PLA2G4A: variants seen among roughly 807,000 people sequenced by gnomAD.
PLA2G4A encodes the protein cytosolic phospholipase A2.
A neutral mutation model predicts 81.9 loss-of-function variants in PLA2G4A; 40 were observed. The observed-to-expected ratio is 0.49, with a 90% CI of 0.38 to 0.64. PLA2G4A has a LOEUF of 0.64. PLA2G4A is among the 30% of genes least tolerant of loss of function. The probability of loss-of-function intolerance (pLI) is 0.00; values close to 1 mark genes in which losing one functional copy is unlikely to be tolerated. For missense variants in PLA2G4A, 715 were observed against 905.1 expected, an observed-to-expected ratio of 0.79 and a Z score of 2.69; for synonymous variants, 302 against 296.9, an observed-to-expected ratio of 1.02 and a Z score of -0.18.
chr1:186,918,447 T>C (rs1411772117), intron 7 of PLA2G4A, among the ~76,000 whole-genome samples: 1 of 151,864 alleles, frequency 6.6e-6, no homozygotes, highest in Non-Finnish European at 1.5e-5. Context: ...CAGTCTTACC[T>C]TCACTGAGTT....
intron 15 of PLA2G4A, among the ~76,000 whole-genome samples, chr1:186,975,066 C>G (rs765769380): frequency 6.6e-6 from 1 of 152,172 alleles, no homozygotes; most frequent in South Asian, 2.1e-4. Flanking sequence ...AAAGCTCTTT[C>G]TTTTCTTTGC....
At chr1:186,829,770 A>T (rs1651483975) in intron 1 of PLA2G4A, among the ~76,000 whole-genome samples, 1 of 152,230 alleles carries the variant, frequency 6.6e-6, no homozygotes, top group South Asian at 2.1e-4. Context: ...GTATCAGTGG[A>T]TGAATGTATC....
Position 186,906,955 on chromosome 1 carries a change from C to CT in PLA2G4A, c.379-3dup. 10 of 1,441,528 alleles carry CT rather than the reference C, an allele frequency of 6.9e-6. No homozygotes were observed. The highest frequency in any genetic ancestry group is 8.8e-6 in the Non-Finnish European group (9 of 1,024,210). The allele number at this position is 1,441,528 out of a possible 1,614,324, so 89.3% of individuals were successfully genotyped here. On this transcript the variant is annotated splice_polypyrimidine_tract_variant and intron_variant, in intron 5 of 17. Transcript: ENST00000367466. ...TTATGACCTAATCTGATTAACATGT[C>CT]TTTTTTTAGGTCACTGAAATGGTTC...
intron 14 of PLA2G4A, among the ~76,000 whole-genome samples, chr1:186,963,503 C>A (rs1015224536): frequency 6.6e-6 from 1 of 152,182 alleles, no homozygotes; most frequent in Admixed American, 6.5e-5. Context: ...TAGCCTTGGA[C>A]ACAGCCAGCC....
At chr1:186,847,069 A>G (rs1652202012) in intron 1 of PLA2G4A, among the ~76,000 whole-genome samples, 1 of 152,128 alleles carries the variant, frequency 6.6e-6, no homozygotes, top group Non-Finnish European at 1.5e-5. Context: ...TTGAGAGAAG[A>G]AAAGGAAATG....
chr1:186,988,350 T>G, intron 17 of PLA2G4A, 27 bp from the exon 18 acceptor site: 27 of 1,589,936 alleles, frequency 1.7e-5, no homozygotes, highest in Non-Finnish European at 2.2e-5. Flanking sequence ...GCAGCGCTAA[T>G]TATACAACTT....
intron 5 of PLA2G4A, among the ~76,000 whole-genome samples, chr1:186,896,851 G>T (rs1426935120): frequency 6.6e-6 from 1 of 152,124 alleles, no homozygotes; most frequent in Admixed American, 6.5e-5. Context: ...AGGGGTAGTT[G>T]GGAGAGAAGT....
intron 5 of PLA2G4A, among the ~76,000 whole-genome samples, chr1:186,903,582 G>A (rs1033410): frequency 0.21 from 31,847 of 152,004 alleles, 3,908 homozygotes; most frequent in Admixed American, 0.34. Flanking sequence ...TAAGATCAGC[G>A]GTGGCATTAC....
chr1:186,924,511 C>T (rs1466422698), intron 7 of PLA2G4A, among the ~76,000 whole-genome samples: 6 of 152,122 alleles, frequency 3.9e-5, no homozygotes, highest in South Asian at 4.1e-4. Flanking sequence ...TTCATCTGAG[C>T]GTTCCTTACA....
At chr1:186,975,439 A>G (rs1226556292) in intron 15 of PLA2G4A, among the ~76,000 whole-genome samples, 3 of 152,216 alleles carry the variant, frequency 2.0e-5, no homozygotes, top group African/African-American at 4.8e-5. Flanking sequence ...TGAAAGTTCA[A>G]TGAAAAGTGT....
chr1:186,852,938 T>C (rs916952486), intron 1 of PLA2G4A, among the ~76,000 whole-genome samples: 6 of 152,048 alleles, frequency 3.9e-5, no homozygotes, highest in African/African-American at 1.4e-4. Context: ...AAAAAGTTGA[T>C]TTAAAATGCT....
chr1:186,842,432 T>C (rs1652020720), intron 1 of PLA2G4A, among the ~76,000 whole-genome samples: 1 of 152,172 alleles, frequency 6.6e-6, no homozygotes, highest in Admixed American at 6.5e-5. Flanking sequence ...AACAATTGTA[T>C]GCTGCTTTGT....
intron 14 of PLA2G4A, among the ~76,000 whole-genome samples, chr1:186,956,714 G>A (rs905982154): frequency 2.1e-4 from 32 of 152,024 alleles, no homozygotes; most frequent in African/African-American, 1.2e-4. Context: ...GGTTTTTGCC[G>A]TGTTGCCCAA....
intron 17 of PLA2G4A, 71 bp from the exon 18 acceptor site, chr1:186,988,306 T>C (rs999420961): frequency 3.3e-6 from 4 of 1,195,514 alleles, no homozygotes; most frequent in African/African-American, 3.1e-5. Context: ...CATTTGATTT[T>C]TATTTTAATA....
chr1:186,915,339 C>T (rs1314773401), intron 7 of PLA2G4A, among the ~76,000 whole-genome samples: 1 of 152,122 alleles, frequency 6.6e-6, no homozygotes, highest in African/African-American at 2.4e-5. Flanking sequence ...ATAGTCAAGG[C>T]TCTGCCGGTT....
chr1:186,894,348 TTTC>T (rs1373723421), intron 5 of PLA2G4A, 137 bp downstream of exon 5: 8 of 638,222 alleles, frequency 1.3e-5, no homozygotes, highest in Middle Eastern at 4.1e-4. Context: ...AAATTTTGTT[TTTC>T]TTTTTACTTT....
chr1:186,881,620 A>G (rs1242044482), intron 3 of PLA2G4A, among the ~76,000 whole-genome samples: 1 of 152,122 alleles, frequency 6.6e-6, no homozygotes, highest in Admixed American at 6.6e-5. Context: ...AAGGGAGGTA[A>G]GCTGAGGTTC....
chr1:186,913,214 T>C (rs1655026100), intron 7 of PLA2G4A, among the ~76,000 whole-genome samples: 1 of 152,036 alleles, frequency 6.6e-6, no homozygotes, highest in Admixed American at 6.5e-5. Context: ...TAAAAATCAT[T>C]AAGTTGAAGA....
At position 186,956,233 on chromosome 1, in the gene PLA2G4A, C is replaced by T; in HGVS notation, c.1468C>T (p.His490Tyr). 1.2e-6 allele frequency: 2 copies of T among 1,613,998 alleles called. No individual in the cohort carries two copies. The highest frequency in any genetic ancestry group is 1.7e-6 in the Non-Finnish European group (2 of 1,179,908). Residue 490 changes from histidine (H) to tyrosine (Y), a missense_variant, in exon 14 of 18, where the codon CAC (histidine) becomes TAC (tyrosine). His to Tyr is a moderately conservative substitution (Grantham distance 83). Transcript: ENST00000367466. The part of the protein sequence containing the change: ...NTREGRAGKV[H>Y]NFMLGLNLNT... ...CAGAGAAGGACGTGCTGGGAAGGTA[C>T]ACAACTTCATGCTGGGCTTGAATCT...
Sources: gnomAD v4.1 joint callset for allele counts (sites outside exome capture counted in the v4.1 genomes callset) on GRCh38, gnomAD v4.1.1 for gene constraint, MANE v1.5 for transcripts, NCBI Gene and HGNC (gene_info 2026-07-23, HGNC 2026-07-21) for gene names.